The following CCDC102B variants were observed in gnomAD, a reference collection of about 807,000 sequenced individuals.
CCDC102B encodes the protein coiled-coil domain containing 102B.
CCDC102B carries 75 observed loss-of-function variants against 57.4 expected under a neutral mutation model. The ratio of observed to expected loss-of-function variants is 1.31; its 90% CI spans 1.08 to 1.58. The LOEUF is 1.58. Ranked by LOEUF, CCDC102B falls within the 40% of genes most tolerant of loss-of-function variation. The pLI, the probability that CCDC102B is intolerant of heterozygous loss-of-function variation, is 0.00. For missense variants in CCDC102B, 636 were observed against 582.6 expected (o/e 1.09, Z -0.94); for synonymous variants, 206 against 201.9 (o/e 1.02, Z -0.17).
chr18:68,758,269 G>A (rs1001978835), intron 2 of CCDC102B, among the ~76,000 whole-genome samples: 1 of 150,962 alleles, frequency 6.6e-6, no homozygotes, highest in East Asian at 1.9e-4. Flanking sequence ...GTATATAGAG[G>A]TATCACATAT....
intron 6 of CCDC102B, among the ~76,000 whole-genome samples, chr18:68,964,702 G>C (rs535016040): frequency 6.6e-6 from 1 of 151,548 alleles, no homozygotes; most frequent in Non-Finnish European, 1.5e-5. Flanking sequence ...TCTTTTCTTT[G>C]GTCTTGATGT....
chr18:68,762,357 A>G (rs904829639), intron 2 of CCDC102B, among the ~76,000 whole-genome samples: 2 of 152,020 alleles, frequency 1.3e-5, no homozygotes, highest in Non-Finnish European at 2.9e-5. Flanking sequence ...ATATTCCTTG[A>G]CACTTTTTAG....
At chr18:68,928,505 C>T (rs2041554280) in intron 6 of CCDC102B, among the ~76,000 whole-genome samples, 1 of 151,764 alleles carries the variant, frequency 6.6e-6, no homozygotes, top group Non-Finnish European at 1.5e-5. Context: ...ACGTGGCTAC[C>T]TCTGTCAAGC....
upstream of CCDC102B, among the ~76,000 whole-genome samples, chr18:68,793,809 G>T: frequency 6.6e-6 from 1 of 152,086 alleles, no homozygotes. Context: ...TGAGAAAACA[G>T]ACAGGTACAT....
chr18:68,844,475 T>G (rs1471398868), intron 3 of CCDC102B, among the ~76,000 whole-genome samples: 1 of 151,800 alleles, frequency 6.6e-6, no homozygotes, highest in African/African-American at 2.4e-5. Context: ...CAAGAAAATC[T>G]AAAAAATTAA....
At chr18:68,837,891 G>A (rs766056749) in intron 2 of CCDC102B, among the ~76,000 whole-genome samples, 2 of 152,134 alleles carry the variant, frequency 1.3e-5, no homozygotes, top group Non-Finnish European at 2.9e-5. Flanking sequence ...AAATATTATA[G>A]TACAGATGAT....
intron 7 of CCDC102B, among the ~76,000 whole-genome samples, chr18:69,014,972 A>AGTGTGTGTGTGTGTGT (rs1474511159): frequency 8.7e-6 from 1 of 114,584 alleles, no homozygotes; most frequent in Non-Finnish European, 1.9e-5. Context: ...AGAGAGAGAG[A>AGTGTGTGTGTGTGTGT]GAGAGAGTGT....
At chr18:69,007,843 G>A (rs1297314245) in intron 6 of CCDC102B, among the ~76,000 whole-genome samples, 2 of 152,194 alleles carry the variant, frequency 1.3e-5, no homozygotes, top group Non-Finnish European at 2.9e-5. Context: ...AATTTGCGTT[G>A]ACAAACAAAG....
At chr18:68,952,124 T>C (rs2049715755) in intron 6 of CCDC102B, among the ~76,000 whole-genome samples, 1 of 152,136 alleles carries the variant, frequency 6.6e-6, no homozygotes, top group African/African-American at 2.4e-5. Flanking sequence ...GCCTATAAAA[T>C]ATATTCTTCT....
chr18:68,733,903 T>A (rs1407765448), intron 2 of CCDC102B, among the ~76,000 whole-genome samples: 5 of 152,138 alleles, frequency 3.3e-5, no homozygotes, highest in Non-Finnish European at 7.3e-5. Flanking sequence ...TAGTTCAGCA[T>A]CAAAGAGTAA....
At chr18:68,796,446 G>T (rs2035630829), upstream of CCDC102B, among the ~76,000 whole-genome samples, 1 of 152,058 alleles carries the variant, frequency 6.6e-6, no homozygotes, top group African/African-American at 2.4e-5. Context: ...TCTAGTTGAG[G>T]GGTATAGTGG....
chr18:68,769,254 GAAA>G (rs35451609), intron 2 of CCDC102B, among the ~76,000 whole-genome samples: 2 of 116,414 alleles, frequency 1.7e-5, no homozygotes, highest in Admixed American at 8.7e-5. Context: ...ACTCCACCTC[GAAA>G]AAAAAAAAAA....
At chr18:68,912,902 A>C (rs1274721286) in intron 6 of CCDC102B, among the ~76,000 whole-genome samples, 2 of 152,200 alleles carry the variant, frequency 1.3e-5, no homozygotes, top group Non-Finnish European at 2.9e-5. Flanking sequence ...GTTTAAATAA[A>C]TGTCACTAAT....
intron 6 of CCDC102B, among the ~76,000 whole-genome samples, chr18:68,899,432 T>A (rs1224706671): frequency 1.3e-5 from 2 of 151,996 alleles, no homozygotes; most frequent in Non-Finnish European, 2.9e-5. Flanking sequence ...GTGCTATATA[T>A]ATATATATAT....
chr18:69,037,342 C>T (rs1045776792), intron 7 of CCDC102B, among the ~76,000 whole-genome samples: 9 of 151,980 alleles, frequency 5.9e-5, no homozygotes, highest in Non-Finnish European at 1.2e-4. Context: ...AAGGGACTCA[C>T]AGTCTATGAG....
upstream of CCDC102B, among the ~76,000 whole-genome samples, chr18:68,793,467 A>C (rs193107473): frequency 4.2e-3 from 640 of 152,304 alleles, 2 homozygotes; most frequent in Non-Finnish European, 7.3e-3. Context: ...CCAATGTTAG[A>C]AGAATTTTAA....
intron 1 of CCDC102B, among the ~76,000 whole-genome samples, chr18:68,807,569 C>G (rs2036078764): frequency 6.6e-6 from 1 of 152,154 alleles, no homozygotes; most frequent in Admixed American, 6.5e-5. Context: ...GTCTTCCACT[C>G]TTTGCAGCTT....
At chr18:68,922,008 C>T (rs1225953107) in intron 6 of CCDC102B, among the ~76,000 whole-genome samples, 1 of 152,110 alleles carries the variant, frequency 6.6e-6, no homozygotes, top group Non-Finnish European at 1.5e-5. Flanking sequence ...TCATACAACA[C>T]TTGATTAGTG....
At chr18:68,828,691 A>G (rs1408286738) in intron 1 of CCDC102B, among the ~76,000 whole-genome samples, 1 of 151,574 alleles carries the variant, frequency 6.6e-6, no homozygotes, top group Non-Finnish European at 1.5e-5. Flanking sequence ...ACTTAGAAAA[A>G]CAATTCAAAT....
Sources: gnomAD v4.1 joint callset for allele counts (sites outside exome capture counted in the v4.1 genomes callset) on GRCh38, gnomAD v4.1.1 for gene constraint, MANE v1.5 for transcripts, NCBI Gene and HGNC (gene_info 2026-07-23, HGNC 2026-07-21) for gene names.